CNTN6: variants seen among roughly 807,000 people sequenced by gnomAD.
CNTN6 encodes contactin 6, also known as contactin-6.
A neutral mutation model predicts 122.8 loss-of-function variants in CNTN6; 137 were observed. That is an observed-to-expected ratio of 1.12 (90% confidence interval 0.97 to 1.29). CNTN6 has a LOEUF of 1.29. CNTN6 is among the 50% of genes most tolerant of loss of function. The pLI, the probability that CNTN6 is intolerant of heterozygous loss-of-function variation, is 0.00. For missense variants in CNTN6, 1,634 were observed against 1,223.4 expected (o/e 1.34, Z -5.01); for synonymous variants, 570 against 426.0 (o/e 1.34, Z -4.16).
intron 2 of CNTN6, among the ~76,000 whole-genome samples, chr3:1,207,688 G>A (rs1202112408): frequency 6.6e-6 from 1 of 151,468 alleles, no homozygotes; most frequent in African/African-American, 2.4e-5. Context: ...GAATACAAAC[G>A]CTGTCACAGA....
chr3:1,401,923 A>G (rs1695762767), intron 21 of CNTN6, among the ~76,000 whole-genome samples: 1 of 152,064 alleles, frequency 6.6e-6, no homozygotes, highest in African/African-American at 2.4e-5. Context: ...ACAACATAAA[A>G]GGCATCTAAC....
intron 12 of CNTN6, among the ~76,000 whole-genome samples, chr3:1,359,068 A>T (rs1169844823): frequency 2.6e-5 from 4 of 152,030 alleles, no homozygotes; most frequent in African/African-American, 9.7e-5. Context: ...CCCCAAAACA[A>T]AAAAGGTACA....
chr3:1,106,265 C>A (rs28670719), intron 1 of CNTN6, among the ~76,000 whole-genome samples: 22,437 of 151,984 alleles, frequency 0.15, 2,467 homozygotes, highest in African/African-American at 0.31. Flanking sequence ...AAACCCTCCC[C>A]AAATGTGAGA....
Position 1,321,846 on chromosome 3 carries a change from G to A in CNTN6, c.946+12G>A. 2.5e-6 allele frequency: 4 copies of A among 1,584,100 alleles called. No individual in the cohort carries two copies. Among genetic ancestry groups the A allele is most frequent in the Non-Finnish European group, 3.4e-6 (4 of 1,165,370 alleles). ...ACTCATTTTTTATGGTGAGCTAATT[G>A]GATTTCAAATATATATAAAATATTT... On this transcript the variant is annotated intron_variant, in intron 8 of 22. Transcript: ENST00000446702.
intron 11 of CNTN6, among the ~76,000 whole-genome samples, chr3:1,348,942 T>A (rs17785930): frequency 0.11 from 16,677 of 152,044 alleles, 1,028 homozygotes; most frequent in African/African-American, 0.13. Context: ...CATAAATTTA[T>A]AACAATGAGT....
chr3:1,359,448 T>G (rs1211473758), intron 12 of CNTN6, among the ~76,000 whole-genome samples: 1 of 152,108 alleles, frequency 6.6e-6, no homozygotes, highest in African/African-American at 2.4e-5. Flanking sequence ...CTTGTTTCTT[T>G]TAATCTGGGG....
At chr3:1,214,454 G>A (rs541894924) in intron 2 of CNTN6, among the ~76,000 whole-genome samples, 331 of 150,838 alleles carry the variant, frequency 2.2e-3, no homozygotes, top group African/African-American at 7.3e-3. Flanking sequence ...GATTACAGGC[G>A]CCCACCACCA....
chr3:1,341,379 T>A (rs1359254657), intron 11 of CNTN6, among the ~76,000 whole-genome samples: 1 of 152,190 alleles, frequency 6.6e-6, no homozygotes, highest in Admixed American at 6.5e-5. Flanking sequence ...AGACACTTTA[T>A]CTTTCCCTTC....
At chr3:1,321,120 C>T (rs1028908199) in intron 7 of CNTN6, among the ~76,000 whole-genome samples, 1 of 151,452 alleles carries the variant, frequency 6.6e-6, no homozygotes, top group Non-Finnish European at 1.5e-5. Context: ...TCACCCATCC[C>T]ATGTCTTCAG....
chr3:1,372,938 C>A lies in CNTN6; in HGVS notation c.1769C>A (p.Ala590Asp), dbSNP rs748004222. The change falls in exon 14 of 23, where the codon GCC becomes GAC. Residue 590 changes from alanine to aspartate, a missense_variant. Coordinates refer to ENST00000446702, the MANE Select transcript of CNTN6 (RefSeq NM_001289080.2). Reference protein sequence around the residue: ...QTTLESLSAVADIIVRGPPGP... With the variant: ...QTTLESLSAVDDIIVRGPPGP... Reference sequence around the variant, plus strand: ...ACCCTAGAAAGTTTATCTGCAGTAGCCGATATCATTGTTAGAGGTAAGCAT... The same window carrying A: ...ACCCTAGAAAGTTTATCTGCAGTAGACGATATCATTGTTAGAGGTAAGCAT... 4 of 1,582,644 alleles carry A rather than the reference C, an allele frequency of 2.5e-6. No individual in the cohort carries two copies. The highest frequency in any genetic ancestry group is 3.5e-6 in the Non-Finnish European group (4 of 1,155,620).
At position 1,385,595 on chromosome 3, in the gene CNTN6, G is replaced by T; in HGVS notation, c.2518-16G>T. 1 of 1,571,352 alleles carries T rather than the reference G, an allele frequency of 6.4e-7. No homozygotes were observed. The highest frequency in any genetic ancestry group is 8.6e-7 in the Non-Finnish European group (1 of 1,161,170). On this transcript the variant is annotated splice_polypyrimidine_tract_variant and intron_variant, in intron 19 of 22. Transcript: ENST00000446702. ...TGGGGAACAATAAATTGCTTGTTTT[G>T]GTTTTTAATTATCAGGTCTTATACT...
At chr3:1,125,142 C>T (rs937054314) in intron 1 of CNTN6, among the ~76,000 whole-genome samples, 3 of 151,868 alleles carry the variant, frequency 2.0e-5, no homozygotes, top group Non-Finnish European at 2.9e-5. Context: ...TCAGATATGC[C>T]TGAGAAACAG....
At chr3:1,123,145 A>G (rs1298989341) in intron 1 of CNTN6, among the ~76,000 whole-genome samples, 1 of 151,880 alleles carries the variant, frequency 6.6e-6, no homozygotes, top group East Asian at 1.9e-4. Flanking sequence ...ATTACATAGA[A>G]ATTTGAAAAT....
At position 1,300,587 on chromosome 3, in the gene CNTN6, AAGAAAGAAAGAAAGAAAG is replaced by A. The variant is rs1291571083; in HGVS notation, c.761+2600_761+2617del. Among the ~76,000 whole-genome samples, 1,082 of 128,148 alleles carry A rather than the reference AAGAAAGAAAGAAAGAAAG, an allele frequency of 8.4e-3. 9 individuals carry two copies. The highest frequency in any genetic ancestry group is 0.037 in the African/African-American group (994 of 26,638). The allele number at this position is 128,148 out of a possible 152,430, so 84.1% of individuals were successfully genotyped here. On this transcript the variant is annotated intron_variant, in intron 7 of 22. Coordinates refer to ENST00000446702, the MANE Select transcript of CNTN6 (RefSeq NM_001289080.2). ...AAAGAAAGAAAGAAAGAAAGAAAGA[AAGAAAGAAAGAAAGAAAG>A]AGAGAAAGAAAGGAAGAAAAGGAGA...
At position 1,103,021 on chromosome 3, in the gene CNTN6, G is replaced by A. The variant is rs1207696066; in HGVS notation, c.-83+9901G>A. On this transcript the variant is annotated intron_variant, in intron 1 of 22. Transcript: ENST00000446702. ...CTCGGGAGGCTGAGGCAGGAGAATG[G>A]CGGGAACCCGGGAGGCGGAGCTTGC... is the stretch of plus-strand genomic sequence containing the variant. Among the ~76,000 whole-genome samples the A allele has an allele frequency of 4.0e-5, 6 of 151,394 alleles. No homozygotes were observed. The South Asian group carries it at 8.3e-4, about 21-fold the overall frequency.
chr3:1,317,142 A>G (rs556289977), intron 7 of CNTN6, among the ~76,000 whole-genome samples: 1 of 151,912 alleles, frequency 6.6e-6, no homozygotes, highest in South Asian at 2.1e-4. Flanking sequence ...TCTCCCATTA[A>G]AAACTTTGTT....
chr3:1,387,881 T>G (rs1349325672), intron 20 of CNTN6, among the ~76,000 whole-genome samples: 1 of 152,024 alleles, frequency 6.6e-6, no homozygotes, highest in Non-Finnish European at 1.5e-5. Context: ...CACCACGAGA[T>G]TATATCCTGC....
chr3:1,216,469 T>G (rs566104889), intron 2 of CNTN6, among the ~76,000 whole-genome samples: 3 of 152,370 alleles, frequency 2.0e-5, no homozygotes, highest in Admixed American at 2.0e-4. Context: ...AATTTCTGTT[T>G]GTCTGTTATT....
At chr3:1,204,448 C>T (rs557197369) in intron 2 of CNTN6, among the ~76,000 whole-genome samples, 2 of 152,220 alleles carry the variant, frequency 1.3e-5, no homozygotes, top group East Asian at 1.9e-4. Flanking sequence ...GGTCCCTCAG[C>T]GTCAATGTAC....
Sources: gnomAD v4.1 joint callset for allele counts (sites outside exome capture counted in the v4.1 genomes callset) on GRCh38, gnomAD v4.1.1 for gene constraint, MANE v1.5 for transcripts, NCBI Gene and HGNC (gene_info 2026-07-23, HGNC 2026-07-21) for gene names.